Variants in GOLIM4 observed in about 807,000 individuals in gnomAD.
GOLIM4 encodes 130 kDa golgi-localized phosphoprotein.
In GOLIM4, 71 loss-of-function variants were observed where a neutral mutation model predicts 107.4. The ratio of observed to expected loss-of-function variants is 0.66; its 90% CI spans 0.55 to 0.81. GOLIM4 has a LOEUF of 0.81. GOLIM4 is among the 30% of genes least tolerant of loss of function. The probability of loss-of-function intolerance (pLI) is 0.00; values close to 1 mark genes in which losing one functional copy is unlikely to be tolerated. For missense variants in GOLIM4, 830 were observed against 826.1 expected (o/e 1.00, Z -0.06); for synonymous variants, 327 against 294.8 (o/e 1.11, Z -1.12).
chr3:168,074,084 T>G (rs149179775), intron 1 of GOLIM4, among the ~76,000 whole-genome samples: 1 of 152,184 alleles, frequency 6.6e-6, no homozygotes, highest in African/African-American at 2.4e-5. Flanking sequence ...TATGAGGACA[T>G]GTAGGCAACC....
chr3:168,064,802 C>T (rs1383476600), intron 1 of GOLIM4, among the ~76,000 whole-genome samples: 2 of 151,962 alleles, frequency 1.3e-5, no homozygotes, highest in Non-Finnish European at 2.9e-5. Flanking sequence ...AGGTGCATGA[C>T]TGGATGCTAA....
rs952385296 is a variant in GOLIM4, at chr3:168,095,545, G to A, written c.-260C>T. 17 of 465,946 alleles carry A rather than the reference G, an allele frequency of 3.6e-5. No individual in the cohort carries two copies. In the East Asian group the frequency reaches 4.3e-4, roughly 12 times the overall value. 28.9% of individuals were successfully genotyped at this position (465,946 alleles called of 1,614,324 possible). A position where few individuals can be genotyped will look rare whatever the true frequency, so the allele number is the denominator to read the frequency against. ...TCTCCGCGAATGCCCGGGGCCGGGA[G>A]GAGGCCCTCCGCATACTTCAGAGCC... On this transcript the variant is annotated 5_prime_UTR_variant, in exon 1 of 16. Transcript: ENST00000470487.
Position 168,010,771 on chromosome 3 carries a change from T to A in GOLIM4, c.1913A>T (p.Glu638Val), listed in dbSNP as rs757825530. ...EKKRELEHNA[E>V]ETYGENDENT... ...TTCATCATTTTCACCATAGGTCTCT[T>A]CAGCATTATGCTCCAGTTCCCTTTT... is the stretch of plus-strand genomic sequence containing the variant. Residue 638 changes from glutamate (E) to valine (V), a missense_variant, in exon 15 of 16, where the codon GAA (glutamate) becomes GTA (valine). Transcript: ENST00000470487. 7 of 1,612,168 alleles carry A rather than the reference T, an allele frequency of 4.3e-6. No individual in the cohort carries two copies. Among genetic ancestry groups the A allele is most frequent in the Middle Eastern group, 1.7e-4 (1 of 6,054 alleles).
intron 6 of GOLIM4, 165 bp from the exon 7 acceptor site, chr3:168,041,034 G>A (rs1043438740): frequency 5.7e-6 from 3 of 530,190 alleles, no homozygotes; most frequent in South Asian, 5.9e-5. Flanking sequence ...TACGCTTTAT[G>A]TAGTATTCCA....
chr3:168,013,713 C>T (rs1463076303), intron 14 of GOLIM4, among the ~76,000 whole-genome samples: 2 of 151,644 alleles, frequency 1.3e-5, no homozygotes, highest in African/African-American at 2.4e-5. Flanking sequence ...TGCAATCAAA[C>T]TAGAACTCAG....
At chr3:168,070,722 AAAG>A (rs1246260848) in intron 1 of GOLIM4, among the ~76,000 whole-genome samples, 1 of 152,250 alleles carries the variant, frequency 6.6e-6, no homozygotes, top group Non-Finnish European at 1.5e-5. Flanking sequence ...AACAAAAAAG[AAAG>A]AAATATTAAA....
Position 168,032,575 on chromosome 3 carries a change from T to G in GOLIM4, c.1121A>C (p.Glu374Ala). ...SPEEQDREWK[E>A]QHEQREAANL... is the part of the protein sequence containing the mutation. ...GGCTGCTTCTCGTTGCTCATGCTGCTCTTTCCACTCCCGATCCTGCTCCTC... is the reference window on the plus strand; with the variant it reads ...GGCTGCTTCTCGTTGCTCATGCTGCGCTTTCCACTCCCGATCCTGCTCCTC... Residue 374 changes from glutamate (E) to alanine (A), a missense_variant, in exon 9 of 16, where the codon GAG (glutamate) becomes GCG (alanine). Coordinates refer to ENST00000470487, the MANE Select transcript of GOLIM4 (RefSeq NM_014498.5). 1 of 1,614,118 alleles carries G rather than the reference T, an allele frequency of 6.2e-7. No homozygotes were observed. Among genetic ancestry groups the G allele is most frequent in the African/African-American group, 1.3e-5 (1 of 75,008 alleles).
rs1384206046 is a variant in GOLIM4, at chr3:168,066,446, ATTT to A, written c.188-18084_188-18082del. Among the ~76,000 whole-genome samples, 3 of 152,086 alleles carry A rather than the reference ATTT, an allele frequency of 2.0e-5. No homozygotes were observed. The East Asian group carries it at 5.8e-4, about 29-fold the overall frequency. On this transcript the variant is annotated intron_variant, in intron 1 of 15. Coordinates refer to ENST00000470487, the MANE Select transcript of GOLIM4 (RefSeq NM_014498.5). The stretch of plus-strand genomic sequence containing the variant: ...TTAGAATAGTAGACATTTTACCTTT[ATTT>A]GCTGTTATTTTTTCATTGACAAAAT...
chr3:168,038,264 T>C (rs1718773229), intron 7 of GOLIM4, among the ~76,000 whole-genome samples: 1 of 152,232 alleles, frequency 6.6e-6, no homozygotes, highest in East Asian at 1.9e-4. Context: ...ATGCTTTTAA[T>C]ATTTTAAGAT....
intron 14 of GOLIM4, among the ~76,000 whole-genome samples, chr3:168,019,123 G>T (rs1327903215): frequency 1.3e-5 from 2 of 152,172 alleles, no homozygotes; most frequent in East Asian, 3.8e-4. Flanking sequence ...GAGTCAGAAA[G>T]ACCTGGACTA....
chr3:168,016,280 C>A (rs1394380313), intron 14 of GOLIM4, among the ~76,000 whole-genome samples: 1 of 135,056 alleles, frequency 7.4e-6, no homozygotes, highest in Admixed American at 6.9e-5. Flanking sequence ...AGACAAAAAA[C>A]ACATGAAAAA....
At chr3:168,038,575 C>G (rs568769552) in intron 7 of GOLIM4, among the ~76,000 whole-genome samples, 5 of 152,162 alleles carry the variant, frequency 3.3e-5, no homozygotes, top group Non-Finnish European at 5.9e-5. Context: ...CCCTTTTCAT[C>G]TCAGTTTATT....
At chr3:168,093,520 T>C (rs1406402269) in intron 1 of GOLIM4, among the ~76,000 whole-genome samples, 6 of 152,202 alleles carry the variant, frequency 3.9e-5, no homozygotes, top group Non-Finnish European at 8.8e-5. Flanking sequence ...CTTCCAGCCA[T>C]GTTTATGAAA....
intron 14 of GOLIM4, among the ~76,000 whole-genome samples, chr3:168,023,412 A>G (rs1717821563): frequency 6.6e-6 from 1 of 152,244 alleles, no homozygotes; most frequent in Non-Finnish European, 1.5e-5. Context: ...AGTGACCTTA[A>G]AGAGCAACAT....
chr3:168,012,477 C>G (rs1308564991), intron 14 of GOLIM4, among the ~76,000 whole-genome samples: 1 of 146,464 alleles, frequency 6.8e-6, no homozygotes, highest in African/African-American at 2.7e-5. Flanking sequence ...AGGATATTAT[C>G]CAGGAGAACT....
rs774240046 is a variant in GOLIM4 at position 168,024,525 on chromosome 3, C to T, written c.1860+1G>A. 7 of 1,600,812 alleles carry T rather than the reference C, an allele frequency of 4.4e-6. No homozygotes were observed. The East Asian group carries it at 1.3e-4, about 31-fold the overall frequency. The stretch of plus-strand genomic sequence containing the variant: ...AGTCTCTGGGATTCAATCCTTACTA[C>T]CTCCTCTTCTGCCTCTTCCTGGTAC... On this transcript the variant is annotated splice_donor_variant, in intron 14 of 15. Transcript: ENST00000470487. LOFTEE classifies it high-confidence loss of function.
chr3:168,077,339 C>T (rs554644434), intron 1 of GOLIM4, among the ~76,000 whole-genome samples: 2 of 152,298 alleles, frequency 1.3e-5, no homozygotes, highest in African/African-American at 4.8e-5. Flanking sequence ...TGTGCCTGTT[C>T]CCAAGTGTTA....
chr3:168,047,127 A>C, intron 2 of GOLIM4, 128 bp from the exon 3 acceptor site: 1 of 494,244 alleles, frequency 2.0e-6, no homozygotes, highest in East Asian at 3.5e-5. Flanking sequence ...CTACTTGGTG[A>C]TTTACATACT....
chr3:168,014,371 C>T (rs1717239472), intron 14 of GOLIM4, among the ~76,000 whole-genome samples: 1 of 144,264 alleles, frequency 6.9e-6, no homozygotes, highest in Non-Finnish European at 1.5e-5. Flanking sequence ...AGACCAATAA[C>T]AGGAGCTGAA....
Sources: gnomAD v4.1 joint callset for allele counts (sites outside exome capture counted in the v4.1 genomes callset) on GRCh38, gnomAD v4.1.1 for gene constraint, MANE v1.5 for transcripts, NCBI Gene and HGNC (gene_info 2026-07-23, HGNC 2026-07-21) for gene names.